Variants in SP110 observed in about 807,000 individuals in gnomAD.
SP110 encodes interferon-induced protein 41, 30kD.
SP110 carries 62 observed loss-of-function variants against 92.7 expected under a neutral mutation model. The observed-to-expected ratio is 0.67, with a 90% CI of 0.55 to 0.83. The LOEUF (loss-of-function observed/expected upper bound fraction) is 0.83, where lower values mean the gene tolerates loss of function less well. SP110 is among the 40% of genes least tolerant of loss of function. The pLI is 0.00. For missense variants in SP110, 793 were observed against 863.9 expected, an observed-to-expected ratio of 0.92 and a Z score of 1.03; for synonymous variants, 273 against 305.3, an observed-to-expected ratio of 0.89 and a Z score of 1.10.
At position 230,177,759 on chromosome 2, in the gene SP110, C is replaced by T. The variant is rs2041932120; in HGVS notation, c.1448-79G>A. ...TGAACCTCTTCATCCTAATTGTGGC[C>T]TTCTACCTTTCCAGGTCAAGAGAGA... On this transcript the variant is annotated intron_variant, in intron 13 of 18. Coordinates refer to ENST00000258381, the MANE Select transcript of SP110 (RefSeq NM_080424.4). The T allele has an allele frequency of 2.7e-6, 4 of 1,495,170 alleles. No homozygotes were observed. The South Asian group carries it at 4.5e-5, about 17-fold the overall frequency. The allele number at this position is 1,495,170 out of a possible 1,614,324, so 92.6% of individuals were successfully genotyped here.
chr2:230,216,814 T>TA lies in SP110; in HGVS notation c.113dup (p.Asp39ArgfsTer7). 4 of 1,614,054 alleles carry TA rather than the reference T, an allele frequency of 2.5e-6. No individual in the cohort carries two copies. The highest frequency in any genetic ancestry group is 3.4e-6 in the Non-Finnish European group (4 of 1,179,958). On this transcript the variant is annotated frameshift_variant, in exon 2 of 19. Transcript: ENST00000258381. LOFTEE classifies it high-confidence loss of function. ...TTCTCTTAGTGATGATGGAGTTGTC[T>TA]AGGAGGCCTTCAAAGAAGGGAAATG...
chr2:230,199,148 ATTTTTT>A (rs113583785), intron 10 of SP110, among the ~76,000 whole-genome samples: 20,608 of 138,988 alleles, frequency 0.15, 1,925 homozygotes, highest in South Asian at 0.26. Flanking sequence ...TATTATTATT[ATTTTTT>A]TTTTTTTTTA....
At chr2:230,170,121 C>G (rs2078395212) in intron 18 of SP110, among the ~76,000 whole-genome samples, 1 of 152,214 alleles carries the variant, frequency 6.6e-6, no homozygotes, top group African/African-American at 2.4e-5. Context: ...CCAGCTGTCC[C>G]TCCCTAGTAA....
At chr2:230,193,107 C>G (rs2042709425) in intron 10 of SP110, among the ~76,000 whole-genome samples, 1 of 152,034 alleles carries the variant, frequency 6.6e-6, no homozygotes, top group African/African-American at 2.4e-5. Context: ...TATATAATGA[C>G]CTTCTTTGCC....
At chr2:230,183,532 G>C (rs774851235) in intron 12 of SP110, 40 bp downstream of exon 12, 4 of 1,343,820 alleles carry the variant, frequency 3.0e-6, no homozygotes, top group African/African-American at 1.4e-5. Context: ...CCAGGGCTCT[G>C]GGGAGCCCAG....
At chr2:230,200,998 T>C (rs773736979) in intron 9 of SP110, 33 bp from the exon 10 acceptor site, 1 of 1,521,846 alleles carries the variant, frequency 6.6e-7, no homozygotes, top group African/African-American at 1.4e-5. Context: ...AAATGCCCCT[T>C]GGGAAACACC....
intron 7 of SP110, among the ~76,000 whole-genome samples, chr2:230,209,217 T>A (rs2148903072): frequency 6.6e-6 from 1 of 152,154 alleles, no homozygotes; most frequent in East Asian, 1.9e-4. Flanking sequence ...GACGATAGGG[T>A]CTATAGCTTG....
chr2:230,186,796 C>T lies in SP110; in HGVS notation c.1130-653G>A, dbSNP rs532585756. On this transcript the variant is annotated intron_variant, in intron 10 of 18. Transcript: ENST00000258381. ...CCATCACCTCACTTAGAATAATGGC[C>T]TCCAGCTCCATTTAAGTTGCTGCAA... 3.9e-5 allele frequency among the ~76,000 whole-genome samples: 6 copies of T among 152,294 alleles called. No homozygotes were observed. In the South Asian group the frequency reaches 1.0e-3, roughly 26 times the overall value.
intron 10 of SP110, among the ~76,000 whole-genome samples, chr2:230,188,968 C>T (rs1211330741): frequency 2.0e-5 from 3 of 152,050 alleles, no homozygotes; most frequent in African/African-American, 7.2e-5. Flanking sequence ...TTTATTTCCT[C>T]TAGATTTTTC....
chr2:230,190,749 G>C (rs558267981), intron 10 of SP110, among the ~76,000 whole-genome samples: 1 of 152,274 alleles, frequency 6.6e-6, no homozygotes, highest in Non-Finnish European at 1.5e-5. Context: ...TGTGAGGAAG[G>C]GGTCCAGTTT....
chr2:230,186,667 C>A (rs1483005654), intron 10 of SP110, among the ~76,000 whole-genome samples: 1 of 152,116 alleles, frequency 6.6e-6, no homozygotes, highest in Non-Finnish European at 1.5e-5. Flanking sequence ...CGTCCCTCTC[C>A]TTTCTGAGTC....
At chr2:230,187,257 T>C (rs1425729261) in intron 10 of SP110, among the ~76,000 whole-genome samples, 1 of 152,218 alleles carries the variant, frequency 6.6e-6, no homozygotes, top group Non-Finnish European at 1.5e-5. Context: ...TGATTAGTGA[T>C]GTTGAGCATT....
rs201976454 is a variant in SP110, at chr2:230,202,562, T to C, written c.1048+17A>G. ...ACACTGAGCCATTCAAATGGCAGAT[T>C]CCATCATCAGCCTTACCCTCTGATC... On this transcript the variant is annotated intron_variant, in intron 9 of 18. Coordinates refer to ENST00000258381, the MANE Select transcript of SP110 (RefSeq NM_080424.4). The C allele has an allele frequency of 1.8e-5, 29 of 1,613,782 alleles. No homozygotes were observed. In the African/African-American group the frequency reaches 2.8e-4, roughly 16 times the overall value.
rs765774014 is a variant in SP110, at chr2:230,170,631, G to C, written c.2018C>G (p.Thr673Arg). 6.2e-7 allele frequency: 1 copy of C among 1,614,164 alleles called. No individual in the cohort carries two copies. The highest frequency in any genetic ancestry group is 8.5e-7 in the Non-Finnish European group (1 of 1,180,024). ...DMRLMFRNHK[T>R]FYKASDFGQV... ...GGAAATGCTCTTTACCTTGTAAAAT[G>C]TTTTATGGTTGCGAAACATCAGGCG... is the stretch of plus-strand genomic sequence containing the variant. The change falls in exon 18 of 19, where the codon ACA becomes AGA. Residue 673 changes from threonine (T) to arginine (R), a missense_variant. Coordinates refer to ENST00000258381, the MANE Select transcript of SP110 (RefSeq NM_080424.4).
At chr2:230,224,643 G>T (rs1283280836), upstream of SP110, among the ~76,000 whole-genome samples, 2 of 152,164 alleles carry the variant, frequency 1.3e-5, no homozygotes, top group Non-Finnish European at 2.9e-5. Context: ...TGTGGAAGGG[G>T]TAGAAATTTC....
chr2:230,178,174 TTA>T lies in SP110; in HGVS notation c.1428_1429del (p.Tyr476Ter), dbSNP rs751020218. The T allele has an allele frequency of 6.7e-5, 108 of 1,608,674 alleles. No homozygotes were observed. Among genetic ancestry groups the T allele is most frequent in the Non-Finnish European group, 9.2e-5 (108 of 1,175,156 alleles). ...GAACTCACCGTGTTTCATTTTCTTC[TTA>T]TATAAAATCCCTTTCGCCTCACCAC... On this transcript the variant is annotated stop_gained and frameshift_variant, in exon 13 of 19. Transcript: ENST00000258381. LOFTEE classifies it high-confidence loss of function.
chr2:230,172,759 C>A (rs2078480137), intron 15 of SP110, 85 bp downstream of exon 15: 2 of 895,280 alleles, frequency 2.2e-6, no homozygotes, highest in African/African-American at 3.3e-5. Flanking sequence ...CTGCGTCACA[C>A]CCTCGTCCCC....
chr2:230,188,971 G>T (rs1191905404), intron 10 of SP110, among the ~76,000 whole-genome samples: 1 of 152,014 alleles, frequency 6.6e-6, no homozygotes, highest in Non-Finnish European at 1.5e-5. Context: ...ATTTCCTCTA[G>T]ATTTTTCTAG....
At chr2:230,186,441 TCCA>T (rs1420208768) in intron 10 of SP110, among the ~76,000 whole-genome samples, 1 of 152,176 alleles carries the variant, frequency 6.6e-6, no homozygotes, top group Non-Finnish European at 1.5e-5. Context: ...CACCTTACAC[TCCA>T]CTGCTGAATG....
Sources: gnomAD v4.1 joint callset for allele counts (sites outside exome capture counted in the v4.1 genomes callset) on GRCh38, gnomAD v4.1.1 for gene constraint, MANE v1.5 for transcripts, NCBI Gene and HGNC (gene_info 2026-07-23, HGNC 2026-07-21) for gene names.